Variants in CNGA1 observed in about 807,000 individuals in gnomAD.
CNGA1 encodes the protein cyclic nucleotide-gated channel alpha-1.
A neutral mutation model predicts 69.7 loss-of-function variants in CNGA1; 53 were observed. The ratio of observed to expected loss-of-function variants is 0.76; its 90% CI spans 0.61 to 0.96. The LOEUF (loss-of-function observed/expected upper bound fraction) is 0.96. Among genes scored for constraint, CNGA1 ranks in the 40% least tolerant of loss-of-function variants. CNGA1 has a pLI of 0.00. For missense variants in CNGA1, 739 were observed against 811.2 expected (o/e 0.91, Z 1.08); for synonymous variants, 249 against 283.5 (o/e 0.88, Z 1.22).
chr4:47,980,472 C>CTTTTT (rs5858098), intron 3 of CNGA1, among the ~76,000 whole-genome samples: 17 of 112,364 alleles, frequency 1.5e-4, no homozygotes, highest in East Asian at 2.6e-4. Context: ...TTCTTTCTTT[C>CTTTTT]TTTTTTTTTT....
At position 47,992,343 on chromosome 4, in the gene CNGA1, AAC is replaced by A. The variant is rs201346617; in HGVS notation, c.-122-10845_-122-10844del. The stretch of plus-strand genomic sequence containing the variant: ...GTTTGTGTCATCTATGATTTCTTTC[AAC>A]AGTGTTTTGTAGTTTTCCTTGTAGA... On this transcript the variant is annotated intron_variant, in intron 2 of 10. Coordinates refer to ENST00000514170, the MANE Select transcript of CNGA1 (RefSeq NM_001379270.1). Among the ~76,000 whole-genome samples, 108 of 152,178 alleles carry A rather than the reference AAC, an allele frequency of 7.1e-4. 2 individuals are homozygous for A. In the East Asian group the frequency reaches 0.019, roughly 26 times the overall value.
chr4:47,956,251 T>C (rs1740079484), intron 3 of CNGA1, among the ~76,000 whole-genome samples: 1 of 152,186 alleles, frequency 6.6e-6, no homozygotes, highest in Admixed American at 6.5e-5. Context: ...ACGTTGGATA[T>C]TCTGAGGCGG....
chr4:47,936,624 C>T lies in CNGA1; in HGVS notation c.1858G>A (p.Glu620Lys). The change falls in exon 11 of 11, where the codon GAA becomes AAA. Residue 620 changes from glutamate to lysine, a missense_variant. Physicochemically the swap from Glu to Lys is moderately conservative, Grantham distance 56. Coordinates refer to ENST00000514170, the MANE Select transcript of CNGA1 (RefSeq NM_001379270.1). ...CCCTCCATTCGAGTAACCTTCTCTT[C>T]AAGATCTTTAGGATCACTGCCAGCA... is the stretch of plus-strand genomic sequence containing the variant. ...ANAGSDPKDL[E>K]EKVTRMEGSV... 6.2e-7 allele frequency: 1 copy of T among 1,614,190 alleles called. No individual in the cohort carries two copies. The highest frequency in any genetic ancestry group is 8.5e-7 in the Non-Finnish European group (1 of 1,180,030).
At chr4:47,954,078 G>T (rs1423663577) in intron 3 of CNGA1, among the ~76,000 whole-genome samples, 1 of 152,144 alleles carries the variant, frequency 6.6e-6, no homozygotes, top group Non-Finnish European at 1.5e-5. Context: ...GAACAGAGTG[G>T]CAGAGAATAG....
At chr4:47,973,477 C>T (rs10461075) in intron 3 of CNGA1, among the ~76,000 whole-genome samples, 130,314 of 152,194 alleles carry the variant, frequency 0.86, 56,132 homozygotes, top group East Asian at 0.98. Flanking sequence ...TTATTCAACA[C>T]GTAGAAGGCT....
intron 3 of CNGA1, among the ~76,000 whole-genome samples, chr4:47,975,143 C>G (rs111982584): frequency 6.3e-4 from 96 of 152,140 alleles, no homozygotes; most frequent in African/African-American, 2.2e-3. Flanking sequence ...AATCTCTTCC[C>G]CTGAAATATC....
At chr4:47,969,705 G>T (rs2110194004) in intron 3 of CNGA1, among the ~76,000 whole-genome samples, 1 of 152,046 alleles carries the variant, frequency 6.6e-6, no homozygotes, top group South Asian at 2.1e-4. Flanking sequence ...CCTGACCTCG[G>T]GTGATCTCCC....
intron 3 of CNGA1, among the ~76,000 whole-genome samples, chr4:47,954,925 A>G (rs1367723776): frequency 3.3e-5 from 5 of 152,212 alleles, no homozygotes; most frequent in Admixed American, 3.3e-4. Context: ...TTTAGGCTAT[A>G]TTCAAACAGG....
At chr4:48,014,801 T>C (rs1162218393) in intron 1 of CNGA1, among the ~76,000 whole-genome samples, 4 of 152,214 alleles carry the variant, frequency 2.6e-5, no homozygotes. Flanking sequence ...GCACCATAGA[T>C]CACGTTTACC....
chr4:47,990,444 T>C (rs989969697), intron 2 of CNGA1, among the ~76,000 whole-genome samples: 1 of 152,236 alleles, frequency 6.6e-6, no homozygotes, highest in East Asian at 1.9e-4. Context: ...TCCAGCCTGG[T>C]AAATTCTAGT....
intron 8 of CNGA1, chr4:47,942,945 C>A: frequency 2.7e-6 from 1 of 370,836 alleles, no homozygotes; most frequent in Non-Finnish European, 4.8e-6. Context: ...AGTGAAAATT[C>A]TTGAGAGAAT....
chr4:47,999,515 A>C (rs1281732874), intron 2 of CNGA1, among the ~76,000 whole-genome samples: 1 of 152,224 alleles, frequency 6.6e-6, no homozygotes, highest in Non-Finnish European at 1.5e-5. Flanking sequence ...AAGAAGCAGG[A>C]AAATGTGACC....
At chr4:47,994,898 G>A (rs1463142637) in intron 2 of CNGA1, among the ~76,000 whole-genome samples, 1 of 151,986 alleles carries the variant, frequency 6.6e-6, no homozygotes, top group Admixed American at 6.6e-5. Flanking sequence ...TTCAGCTTTT[G>A]TTTATCTGAA....
chr4:47,999,117 GAA>G (rs1474866028), intron 2 of CNGA1, among the ~76,000 whole-genome samples: 1 of 145,224 alleles, frequency 6.9e-6, no homozygotes, highest in African/African-American at 2.9e-5. Context: ...TGTTTTGAGA[GAA>G]AGAGAGAGAG....
chr4:47,972,034 G>A (rs904095603), intron 3 of CNGA1, among the ~76,000 whole-genome samples: 3 of 152,196 alleles, frequency 2.0e-5, no homozygotes, highest in South Asian at 4.2e-4. Flanking sequence ...ATCCTTTTAC[G>A]TACCTATGTA....
intron 3 of CNGA1, among the ~76,000 whole-genome samples, chr4:47,957,007 C>T (rs545816455): frequency 9.9e-5 from 15 of 152,228 alleles, no homozygotes; most frequent in African/African-American, 3.4e-4. Context: ...AATCTTGGTT[C>T]ACTGCAACCT....
chr4:47,941,029 TTTCCC>T (rs1246500857), intron 9 of CNGA1, among the ~76,000 whole-genome samples, 160 bp from the exon 10 acceptor site: 3 of 152,206 alleles, frequency 2.0e-5, no homozygotes, highest in African/African-American at 7.2e-5. Flanking sequence ...CTCCCGATAT[TTTCCC>T]TGAGTGGTTG....
intron 3 of CNGA1, among the ~76,000 whole-genome samples, chr4:47,969,196 C>A (rs1194011826): frequency 3.3e-5 from 5 of 152,026 alleles, no homozygotes; most frequent in Admixed American, 3.3e-4. Context: ...CTTTTCCACA[C>A]CTTCTCCATT....
chr4:47,969,670 G>A (rs1578096740), intron 3 of CNGA1, among the ~76,000 whole-genome samples: 4 of 152,056 alleles, frequency 2.6e-5, no homozygotes, highest in South Asian at 4.2e-4. Flanking sequence ...GGGTTTCACC[G>A]TGTTGGCCAG....
Sources: allele counts gnomAD v4.1 joint callset (sites outside exome capture counted in the v4.1 genomes callset), GRCh38; gene constraint gnomAD v4.1.1; transcripts MANE v1.5; gene names NCBI Gene and HGNC (gene_info 2026-07-23, HGNC 2026-07-21).